POMT2: variants seen among roughly 807,000 people sequenced by gnomAD.
POMT2 encodes the protein protein O-mannosyltransferase 2.
A neutral mutation model predicts 100.0 loss-of-function variants in POMT2; 75 were observed. The observed-to-expected ratio is 0.75, with a 90% CI of 0.62 to 0.91. The LOEUF (loss-of-function observed/expected upper bound fraction) is 0.91. POMT2 is among the 40% of genes least tolerant of loss of function. The pLI is 0.00. For missense variants in POMT2, 940 were observed against 955.1 expected (o/e 0.98, Z 0.21); for synonymous variants, 378 against 374.1 (o/e 1.01, Z -0.12).
chr14:77,296,378 G>A (rs192710097), intron 8 of POMT2, 105 bp from the exon 9 acceptor site: 1 of 773,640 alleles, frequency 1.3e-6, no homozygotes, highest in East Asian at 2.7e-5. Context: ...CCCTCTGCGA[G>A]ACTCCCCTGG....
At position 77,302,892 on chromosome 14, in the gene POMT2, A is replaced by G. The variant is rs921045202; in HGVS notation, c.599T>C (p.Met200Thr). 11 of 1,613,886 alleles carry G rather than the reference A, an allele frequency of 6.8e-6. No individual in the cohort carries two copies. The highest frequency in any genetic ancestry group is 5.0e-5 in the Admixed American group (3 of 60,006). Residue 200 changes from methionine (M) to threonine (T), a missense_variant, in exon 5 of 21, where the codon ATG becomes ACG. Met to Thr is a moderately conservative substitution (Grantham distance 81). Coordinates refer to ENST00000261534, the MANE Select transcript of POMT2 (RefSeq NM_013382.7). ...SQYILLDPIL[M>T]FFIMAAMLSM... ...CAGCATGGCAGCCATGATGAAGAAC[A>G]TCAGGATGGGGTCAAGGAGGATGTA...
At chr14:77,287,538 CTCTCTCTA>C (rs1890475227) in intron 11 of POMT2, 2 of 101,908 alleles carry the variant, frequency 2.0e-5, no homozygotes, top group African/African-American at 3.1e-5. Context: ...CTCTCTCTCT[CTCTCTCTA>C]TATATATATA....
At chr14:77,290,085 A>G (rs954741803) in intron 10 of POMT2, among the ~76,000 whole-genome samples, 4 of 152,316 alleles carry the variant, frequency 2.6e-5, no homozygotes, top group Non-Finnish European at 4.4e-5. Flanking sequence ...TTTCATATGC[A>G]TTTGGTGGGG....
chr14:77,299,598 G>A (rs1356891386), intron 6 of POMT2, 37 bp from the exon 7 acceptor site: 1 of 1,475,774 alleles, frequency 6.8e-7, no homozygotes, highest in Admixed American at 1.7e-5. Context: ...CTAGGCATGT[G>A]AGACCTCATT....
intron 5 of POMT2, 76 bp from the exon 6 acceptor site, chr14:77,301,325 A>G: frequency 6.4e-7 from 1 of 1,574,140 alleles, no homozygotes; most frequent in South Asian, 1.1e-5. Context: ...GGGACAGGGC[A>G]GTTCTCAGAC....
chr14:77,320,290 G>A, intron 1 of POMT2, 144 bp downstream of exon 1: 3 of 1,426,900 alleles, frequency 2.1e-6, no homozygotes, highest in Admixed American at 2.0e-5. Flanking sequence ...CCTCGCCAGA[G>A]GCCAACCCAC....
At chr14:77,313,191 A>C (rs1891500811) in intron 1 of POMT2, among the ~76,000 whole-genome samples, 1 of 152,236 alleles carries the variant, frequency 6.6e-6, no homozygotes, top group African/African-American at 2.4e-5. Context: ...GGTCATGAGC[A>C]GTCATTATTG....
intron 1 of POMT2, among the ~76,000 whole-genome samples, chr14:77,315,521 C>G (rs1269891376): frequency 6.6e-6 from 1 of 152,244 alleles, no homozygotes; most frequent in Non-Finnish European, 1.5e-5. Context: ...AGGCAGAGCT[C>G]TTTGGGCCTC....
At position 77,301,150 on chromosome 14, in the gene POMT2, T is replaced by C. The variant is rs766529891; in HGVS notation, c.756A>G (p.Gln252=). ...GGTCTGCAATGGTGTTCAGCCCCACTTGAAGGATGATAAAGAGGCCAACAA... is the reference window on the plus strand; with the variant it reads ...GGTCTGCAATGGTGTTCAGCCCCACCTGAAGGATGATAAAGAGGCCAACAA... The part of the protein sequence containing the change: ...VKFVGLFIIL[Q]VGLNTIADLW... The change falls in exon 6 of 21, where the codon CAA becomes CAG. Residue 252 remains glutamine, a synonymous_variant. Coordinates refer to ENST00000261534, the MANE Select transcript of POMT2 (RefSeq NM_013382.7). The C allele has an allele frequency of 4.3e-6, 7 of 1,614,066 alleles. No homozygotes were observed. The highest frequency in any genetic ancestry group is 1.3e-5 in the African/African-American group (1 of 74,910).
rs371166923 is a variant in POMT2 at position 77,284,858 on chromosome 14, A to T, written c.1576+92T>A. The T allele has an allele frequency of 1.9e-4, 211 of 1,123,408 alleles. 3 individuals carry two copies. The Middle Eastern group carries it at 4.7e-3, about 25-fold the overall frequency. The allele number at this position is 1,123,408 out of a possible 1,614,324, so 69.6% of individuals were successfully genotyped here. A position where few individuals can be genotyped will look rare whatever the true frequency, so the allele number is the denominator to read the frequency against. ...GAACAAACAGCAGCAAGTTGAAGGGATAGCACAGTTTACAAACGCTTACTT... is the reference window on the plus strand; with the variant it reads ...GAACAAACAGCAGCAAGTTGAAGGGTTAGCACAGTTTACAAACGCTTACTT... On this transcript the variant is annotated intron_variant, in intron 14 of 20. Transcript: ENST00000261534.
At chr14:77,298,820 T>C in intron 7 of POMT2, 49 bp from the exon 8 acceptor site, 13 of 1,551,678 alleles carry the variant, frequency 8.4e-6, no homozygotes, top group Non-Finnish European at 1.1e-5. Context: ...GGAGTGAAAG[T>C]GTGATTTCCC....
intron 2 of POMT2, 93 bp downstream of exon 2, chr14:77,311,856 T>C: frequency 1.3e-6 from 2 of 1,521,906 alleles, no homozygotes; most frequent in Admixed American, 2.3e-5. Context: ...CCAAATTCTT[T>C]CTAGAAGCCC....
chr14:77,308,050 C>T (rs1000052812), intron 2 of POMT2, among the ~76,000 whole-genome samples: 2 of 150,718 alleles, frequency 1.3e-5, no homozygotes, highest in African/African-American at 4.9e-5. Context: ...TTAGTAGAGG[C>T]GGGGTTTCAC....
chr14:77,279,587 C>T, intron 18 of POMT2: 5 of 653,336 alleles, frequency 7.7e-6, no homozygotes, highest in Non-Finnish European at 1.1e-5. Context: ...CCTTGGTTTC[C>T]TAATCCATAA....
intron 6 of POMT2, 137 bp from the exon 7 acceptor site, chr14:77,299,698 G>C: frequency 2.9e-6 from 2 of 679,524 alleles, no homozygotes; most frequent in Non-Finnish European, 2.7e-6. Flanking sequence ...AGAAGAATAT[G>C]TGGAAACCCT....
chr14:77,299,811 C>T (rs565948506), intron 6 of POMT2: 258 of 453,586 alleles, frequency 5.7e-4, no homozygotes, highest in Non-Finnish European at 9.5e-4. Context: ...CAGGATGTTA[C>T]TGTGCCAAGG....
intron 1 of POMT2, among the ~76,000 whole-genome samples, chr14:77,317,785 C>T (rs1891684199): frequency 6.6e-6 from 1 of 152,198 alleles, no homozygotes; most frequent in Admixed American, 6.5e-5. Flanking sequence ...ATCTTTCTTC[C>T]CCCTTACAGA....
intron 1 of POMT2, 124 bp downstream of exon 1, chr14:77,320,310 C>A: frequency 6.6e-7 from 1 of 1,504,346 alleles, no homozygotes; most frequent in Non-Finnish European, 8.9e-7. Context: ...CCCGATACCT[C>A]AAGTTCCCCT....
chr14:77,278,484 C>A lies in POMT2; in HGVS notation c.2057G>T (p.Arg686Leu). Residue 686 changes from arginine (R) to leucine (L), a missense_variant, in exon 20 of 21, where the codon CGG becomes CTG. Coordinates refer to ENST00000261534, the MANE Select transcript of POMT2 (RefSeq NM_013382.7). ...TGAGGCCAAGCCCCAGGCACAGAGC[C>A]GCAGGAGGGTGTCCCACAGAATGCC... ...LTGILWDTLL[R>L]LCAWGLASWP... 1.3e-6 allele frequency: 2 copies of A among 1,493,292 alleles called. No individual in the cohort carries two copies. The highest frequency in any genetic ancestry group is 1.8e-6 in the Non-Finnish European group (2 of 1,095,684). 92.5% of individuals were successfully genotyped at this position (1,493,292 alleles called of 1,614,324 possible). A position where few individuals can be genotyped will look rare whatever the true frequency, so the allele number is the denominator to read the frequency against.
Sources: allele counts gnomAD v4.1 joint callset (sites outside exome capture counted in the v4.1 genomes callset), GRCh38; gene constraint gnomAD v4.1.1; transcripts MANE v1.5; gene names NCBI Gene and HGNC (gene_info 2026-07-23, HGNC 2026-07-21).